The following PINX1 variants were observed in gnomAD, a reference collection of about 807,000 sequenced individuals.
PINX1 encodes the protein PIN2/TERF1-interacting telomerase inhibitor 1.
A neutral mutation model predicts 25.4 loss-of-function variants in PINX1; 34 were observed. The ratio of observed to expected loss-of-function variants is 1.34; its 90% CI spans 1.02 to 1.78. The LOEUF (loss-of-function observed/expected upper bound fraction) is 1.78. Ranked by LOEUF, PINX1 falls within the 40% of genes most tolerant of loss-of-function variation. The probability of loss-of-function intolerance (pLI) is 0.00; values close to 1 mark genes in which losing one functional copy is unlikely to be tolerated. For missense variants in PINX1, 592 were observed against 404.9 expected (o/e 1.46, Z -3.97); for synonymous variants, 197 against 147.7 (o/e 1.33, Z -2.42).
intron 6 of PINX1, among the ~76,000 whole-genome samples, chr8:10,780,791 T>C (rs1801561627): frequency 6.6e-6 from 1 of 152,158 alleles, no homozygotes; most frequent in African/African-American, 2.4e-5. Flanking sequence ...CAAAGCAATA[T>C]ACAGATTCAA....
chr8:10,839,175 G>C (rs537776796), intron 1 of PINX1, among the ~76,000 whole-genome samples: 2 of 152,294 alleles, frequency 1.3e-5, no homozygotes, highest in African/African-American at 2.4e-5. Context: ...CAGGCAGGAC[G>C]GGGCGCTGTG....
At chr8:10,790,592 C>T (rs150222664) in intron 6 of PINX1, among the ~76,000 whole-genome samples, 88 of 152,246 alleles carry the variant, frequency 5.8e-4, no homozygotes, top group African/African-American at 2.0e-3. Context: ...GGGCCTCGAC[C>T]TCCCAACATG....
rs941965623 is a variant in PINX1 at position 10,810,082 on chromosome 8, G to A, written c.471+10111C>T. ...CAACCAGGTCTCGTGTGAACTCAGAGTGAGAACTCATTCATTACCATGAGG... is the reference window on the plus strand; with the variant it reads ...CAACCAGGTCTCGTGTGAACTCAGAATGAGAACTCATTCATTACCATGAGG... On this transcript the variant is annotated intron_variant, in intron 6 of 6. Coordinates refer to ENST00000314787, the MANE Select transcript of PINX1 (RefSeq NM_017884.6). 4.6e-5 allele frequency among the ~76,000 whole-genome samples: 7 copies of A among 152,162 alleles called. No homozygotes were observed. In the South Asian group the frequency reaches 1.5e-3, roughly 32 times the overall value.
intron 6 of PINX1, among the ~76,000 whole-genome samples, chr8:10,789,849 G>T (rs923486632): frequency 3.5e-4 from 53 of 152,106 alleles, no homozygotes; most frequent in Non-Finnish European, 5.7e-4. Context: ...TTGGATCATG[G>T]ATTTTTCCCC....
chr8:10,768,587 CCCAGCAAAGTGCTGG>C (rs1801130861), intron 6 of PINX1, among the ~76,000 whole-genome samples: 3 of 152,206 alleles, frequency 2.0e-5, no homozygotes. Context: ...CCTACTTCTT[CCCAGCAAAGTGCTGG>C]CCACACAATG....
rs1046492910 is a variant in PINX1, at chr8:10,786,302, A to T, written c.472-20386T>A. Among the ~76,000 whole-genome samples, 28 of 152,198 alleles carry T rather than the reference A, an allele frequency of 1.8e-4. 2 individuals carry two copies. The highest frequency in any genetic ancestry group is 2.5e-4 in the Non-Finnish European group (17 of 68,028). On this transcript the variant is annotated intron_variant, in intron 6 of 6. Coordinates refer to ENST00000314787, the MANE Select transcript of PINX1 (RefSeq NM_017884.6). ...CAATACCTTCCTGAAGCCAATACAAAAGTGAAGAGGCCTTCCTATTCTCTT... is the reference window on the plus strand; with the variant it reads ...CAATACCTTCCTGAAGCCAATACAATAGTGAAGAGGCCTTCCTATTCTCTT...
intron 6 of PINX1, among the ~76,000 whole-genome samples, chr8:10,810,293 C>CA (rs1445041046): frequency 1.3e-5 from 2 of 152,278 alleles, no homozygotes; most frequent in East Asian, 3.9e-4. Context: ...CGATGACTTC[C>CA]ACATTGCTAG....
chr8:10,791,788 T>A (rs1349454343), intron 6 of PINX1, among the ~76,000 whole-genome samples: 2 of 152,050 alleles, frequency 1.3e-5, no homozygotes, highest in Admixed American at 1.3e-4. Flanking sequence ...GGCGGCAACC[T>A]CTCTCCAGCA....
intron 5 of PINX1, chr8:10,825,250 C>G (rs1797999689): frequency 2.1e-6 from 1 of 479,576 alleles, no homozygotes; most frequent in Non-Finnish European, 4.3e-6. Context: ...AAGAGCTTCC[C>G]AGCAATGCCC....
In PINX1 at chr8:10,765,622, G is replaced by A. The variant is rs756805529; in HGVS notation, c.766C>T (p.Pro256Ser). ...GGGCCTCTGAGCTGCTCTTCTGCTG[G>A]CGCGCTCTTCTTCTTGGCCACTCGC... Reference protein sequence around the residue: ...QERVAKKKSAPAEEQLRGPCW... With the variant: ...QERVAKKKSASAEEQLRGPCW... Residue 256 changes from proline (P) to serine (S), a missense_variant, in exon 7 of 7, where the codon CCA becomes TCA. By Grantham distance (74) the Pro-to-Ser change is moderately conservative (BLOSUM62 -1). Transcript: ENST00000314787. The A allele has an allele frequency of 1.2e-6, 2 of 1,613,810 alleles. No individual in the cohort carries two copies. Among genetic ancestry groups the A allele is most frequent in the South Asian group, 1.1e-5 (1 of 91,082 alleles).
chr8:10,795,807 C>T (rs572243258), intron 6 of PINX1, among the ~76,000 whole-genome samples: 3 of 152,070 alleles, frequency 2.0e-5, no homozygotes, highest in South Asian at 2.1e-4. Context: ...ATCTCTGTTA[C>T]GGAATGCCAA....
At chr8:10,804,847 T>C (rs1454926705) in intron 6 of PINX1, among the ~76,000 whole-genome samples, 3 of 151,986 alleles carry the variant, frequency 2.0e-5, no homozygotes, top group African/African-American at 4.8e-5. Context: ...TTGTACTTTG[T>C]CCCCCACAAC....
At chr8:10,796,181 G>A (rs1329050786) in intron 6 of PINX1, among the ~76,000 whole-genome samples, 1 of 152,144 alleles carries the variant, frequency 6.6e-6, no homozygotes, top group Non-Finnish European at 1.5e-5. Context: ...CATGGAAGGA[G>A]CTTGATTGGC....
intron 6 of PINX1, among the ~76,000 whole-genome samples, chr8:10,792,018 G>A (rs968336608): frequency 4.6e-5 from 7 of 152,270 alleles, no homozygotes; most frequent in Middle Eastern, 3.4e-3. Context: ...GGCCAGGACC[G>A]CCCCCTCTCT....
At chr8:10,828,573 A>T (rs1193564052) in intron 4 of PINX1, among the ~76,000 whole-genome samples, 1 of 152,164 alleles carries the variant, frequency 6.6e-6, no homozygotes, top group Non-Finnish European at 1.5e-5. Flanking sequence ...GCCCTCACAG[A>T]GCAGCTCTCT....
chr8:10,766,003 A>C (rs1197452019), intron 6 of PINX1, 87 bp from the exon 7 acceptor site: 4 of 1,321,288 alleles, frequency 3.0e-6, no homozygotes, highest in Non-Finnish European at 4.2e-6. Flanking sequence ...CCCGGCGCTC[A>C]CACCTGGCAC....
chr8:10,767,744 G>A, intron 6 of PINX1, among the ~76,000 whole-genome samples: 1 of 150,922 alleles, frequency 6.6e-6, no homozygotes. Context: ...CAGGCTCGGT[G>A]ACCAGGCACC....
intron 6 of PINX1, among the ~76,000 whole-genome samples, chr8:10,791,754 C>A (rs181414814): frequency 6.6e-6 from 1 of 152,176 alleles, no homozygotes; most frequent in East Asian, 1.9e-4. Context: ...AAACTATAAA[C>A]CCTGGAAGAG....
intron 6 of PINX1, among the ~76,000 whole-genome samples, chr8:10,811,045 G>C (rs775924594): frequency 2.0e-5 from 3 of 152,226 alleles, no homozygotes; most frequent in Non-Finnish European, 2.9e-5. Flanking sequence ...TGACTGTGAC[G>C]ACAGTGGTCT....
Sources: gnomAD v4.1 joint callset for allele counts (sites outside exome capture counted in the v4.1 genomes callset) on GRCh38, gnomAD v4.1.1 for gene constraint, MANE v1.5 for transcripts, NCBI Gene and HGNC (gene_info 2026-07-23, HGNC 2026-07-21) for gene names.